The following PCGF3 variants were observed in gnomAD, a reference collection of about 807,000 sequenced individuals.
PCGF3 encodes polycomb group RING finger protein 3.
Under a neutral mutation model 33.1 loss-of-function variants are expected in PCGF3, and 7 were observed. That is an observed-to-expected ratio of 0.21 (90% confidence interval 0.12 to 0.40). The LOEUF is 0.40. Ranked by LOEUF, PCGF3 falls within the 10% of genes least tolerant of loss-of-function variation. The pLI is 1.00. For synonymous variants in PCGF3, 153 were observed against 121.3 expected (o/e 1.26, Z -1.72); for missense variants, 211 against 313.3 (o/e 0.67, Z 2.46).
chr4:735,654 G>C (rs1300290891), intron 5 of PCGF3, among the ~76,000 whole-genome samples: 1 of 152,258 alleles, frequency 6.6e-6, no homozygotes, highest in Non-Finnish European at 1.5e-5. Flanking sequence ...TTTGATGTGA[G>C]CCGGCCCTTG....
chr4:734,179 G>C (rs2109614695), intron 4 of PCGF3: 1 of 1,545,196 alleles, frequency 6.5e-7, no homozygotes, highest in Non-Finnish European at 8.8e-7. Context: ...CCTCACACCT[G>C]ATGAGTCTGT....
intron 5 of PCGF3, among the ~76,000 whole-genome samples, chr4:735,907 C>T (rs1391905958): frequency 2.0e-5 from 3 of 152,120 alleles, no homozygotes; most frequent in East Asian, 1.9e-4. Context: ...TTTGGGAGGT[C>T]GTTCAGATTT....
chr4:724,978 G>T (rs1176813003), intron 1 of PCGF3: 3 of 151,764 alleles, frequency 2.0e-5, no homozygotes, highest in Non-Finnish European at 2.9e-5. Context: ...AAAAAGCAAA[G>T]AAAAGAAATT....
At chr4:708,537 C>A (rs1282295438) in intron 1 of PCGF3, among the ~76,000 whole-genome samples, 1 of 152,170 alleles carries the variant, frequency 6.6e-6, no homozygotes, top group African/African-American at 2.4e-5. Flanking sequence ...TAGGTGATAC[C>A]TGGGGTAGGT....
At chr4:708,195 G>C (rs1014692063) in intron 1 of PCGF3, among the ~76,000 whole-genome samples, 1 of 152,256 alleles carries the variant, frequency 6.6e-6, no homozygotes, top group African/African-American at 2.4e-5. Context: ...AGATGACCAG[G>C]ACCTCAAACG....
chr4:734,617 T>G (rs1469097385), intron 4 of PCGF3: 13 of 1,220,424 alleles, frequency 1.1e-5, no homozygotes, highest in Non-Finnish European at 1.2e-5. Flanking sequence ...ATTATCTGTT[T>G]TAGCCCATGT....
chr4:712,674 C>T (rs900294386), intron 1 of PCGF3, among the ~76,000 whole-genome samples: 4 of 152,100 alleles, frequency 2.6e-5, no homozygotes, highest in Admixed American at 1.3e-4. Context: ...TCTCAAACTC[C>T]TGACCTCATG....
chr4:755,627 T>A (rs1744735332), intron 8 of PCGF3, among the ~76,000 whole-genome samples: 1 of 152,176 alleles, frequency 6.6e-6, no homozygotes, highest in Non-Finnish European at 1.5e-5. Flanking sequence ...TTCTCTTACA[T>A]TGTCTTGTAA....
chr4:730,136 G>T (rs930552669), intron 1 of PCGF3, among the ~76,000 whole-genome samples: 2 of 152,142 alleles, frequency 1.3e-5, no homozygotes, highest in African/African-American at 4.8e-5. Flanking sequence ...GGCCCTTGGT[G>T]CACGTCTGGT....
At chr4:748,101 G>A (rs542027783) in intron 8 of PCGF3, among the ~76,000 whole-genome samples, 5 of 152,290 alleles carry the variant, frequency 3.3e-5, no homozygotes, top group South Asian at 4.1e-4. Flanking sequence ...GGGCCTCTTC[G>A]TGTGTCATTT....
chr4:742,143 G>A (rs1744121471), intron 6 of PCGF3, among the ~76,000 whole-genome samples: 1 of 150,936 alleles, frequency 6.6e-6, no homozygotes, highest in Non-Finnish European at 1.5e-5. Context: ...CAGGCTCTCG[G>A]GGTCCCCTCC....
chr4:722,238 T>C (rs1245736691), intron 1 of PCGF3: 1 of 159,634 alleles, frequency 6.3e-6, no homozygotes, highest in Non-Finnish European at 1.4e-5. Context: ...TTGCACATCA[T>C]ACTGAATACG....
intron 1 of PCGF3, among the ~76,000 whole-genome samples, chr4:707,101 C>T (rs1742340274): frequency 6.6e-6 from 1 of 152,182 alleles, no homozygotes; most frequent in African/African-American, 2.4e-5. Flanking sequence ...CCCCAGAGTG[C>T]TAGGACACAA....
At chr4:738,438 TC>T (rs1436982327) in intron 6 of PCGF3, among the ~76,000 whole-genome samples, 1 of 152,180 alleles carries the variant, frequency 6.6e-6, no homozygotes, top group Non-Finnish European at 1.5e-5. Context: ...AAGGATACAT[TC>T]GAGTTAAATG....
intron 8 of PCGF3, among the ~76,000 whole-genome samples, chr4:751,226 C>A (rs1408076970): frequency 2.6e-5 from 4 of 152,152 alleles, no homozygotes; most frequent in Non-Finnish European, 5.9e-5. Context: ...AGTTCCTGAT[C>A]TCCGTCTTCC....
intron 9 of PCGF3, chr4:761,827 G>A (rs972315816): frequency 1.0e-4 from 102 of 985,294 alleles, no homozygotes; most frequent in East Asian, 3.4e-4. Flanking sequence ...GGCAGCGGGC[G>A]CACCATGAAC....
chr4:749,634 A>G lies in PCGF3; in HGVS notation c.462+4946A>G, dbSNP rs1157254691. On this transcript the variant is annotated intron_variant, in intron 8 of 10. Coordinates refer to ENST00000362003, the Ensembl canonical transcript of PCGF3. The stretch of plus-strand genomic sequence containing the variant: ...CCTAAGTAGCTGGGATTACAGGCAC[A>G]CCCCACCACACCCGGCTAATTTTTA... Among the ~76,000 whole-genome samples the G allele has an allele frequency of 4.7e-5, 7 of 148,548 alleles. No individual in the cohort carries two copies. In the South Asian group the frequency reaches 1.3e-3, roughly 27 times the overall value.
chr4:711,843 C>T (rs1742583870), intron 1 of PCGF3, among the ~76,000 whole-genome samples: 1 of 151,640 alleles, frequency 6.6e-6, no homozygotes, highest in Non-Finnish European at 1.5e-5. Context: ...CACCTGTAAT[C>T]CCAGCTACTT....
At chr4:708,636 G>A (rs992202282) in intron 1 of PCGF3, among the ~76,000 whole-genome samples, 7 of 152,310 alleles carry the variant, frequency 4.6e-5, no homozygotes, top group South Asian at 2.1e-4. Context: ...TCAGCCCCTC[G>A]TCCGGGGCTG....
Sources: allele counts gnomAD v4.1 joint callset (sites outside exome capture counted in the v4.1 genomes callset), GRCh38; gene constraint gnomAD v4.1.1; transcripts MANE v1.5; gene names NCBI Gene and HGNC (gene_info 2026-07-23, HGNC 2026-07-21).